Variants in ZPBP observed in about 807,000 individuals in gnomAD.
ZPBP encodes zona pellucida-binding protein 1.
ZPBP carries 26 observed loss-of-function variants against 44.8 expected under a neutral mutation model. The ratio of observed to expected loss-of-function variants is 0.58; its 90% CI spans 0.43 to 0.81. The LOEUF is 0.81. Ranked by LOEUF, ZPBP falls within the 30% of genes least tolerant of loss-of-function variation. The pLI is 0.00. For missense variants in ZPBP, 409 were observed against 434.0 expected, an observed-to-expected ratio of 0.94 and a Z score of 0.51; for synonymous variants, 174 against 153.2, an observed-to-expected ratio of 1.14 and a Z score of -1.00.
At chr7:50,006,181 C>T (rs1798303390) in intron 6 of ZPBP, among the ~76,000 whole-genome samples, 1 of 151,630 alleles carries the variant, frequency 6.6e-6, no homozygotes, top group Non-Finnish European at 1.5e-5. Flanking sequence ...GAGAAATACA[C>T]AACAAAAATA....
chr7:50,058,202 T>G, intron 3 of ZPBP, 61 bp from the exon 4 acceptor site: 1 of 1,562,322 alleles, frequency 6.4e-7, no homozygotes, highest in Non-Finnish European at 8.8e-7. Context: ...ACCAAAACAT[T>G]TTCTCAGCAA....
In ZPBP at chr7:49,916,428, A is replaced by C. The variant is rs577604971; in HGVS notation, n.412-15213T>G. ...ATTAGCCATTTTCAATGTCCAGTTC[A>C]AGTGCCATTGCTGGTAAGGCTTCTG... On this transcript the variant is annotated intron_variant and non_coding_transcript_variant, in intron 1 of 2. Transcript: ENST00000465922. 6 of 152,302 alleles carry C rather than the reference A, an allele frequency of 3.9e-5. No individual in the cohort carries two copies. The East Asian group carries it at 1.2e-3, about 29-fold the overall frequency. The allele number at this position is 152,302 out of a possible 1,614,324, so 9.4% of individuals were successfully genotyped here. A position where few individuals can be genotyped will look rare whatever the true frequency, so the allele number is the denominator to read the frequency against.
At chr7:49,909,322 G>A (rs555900748) in intron 1 of ZPBP, among the ~76,000 whole-genome samples, 7 of 150,768 alleles carry the variant, frequency 4.6e-5, no homozygotes, top group Non-Finnish European at 1.0e-4. Flanking sequence ...AAAAAAAGAT[G>A]ATACAGAAAA....
chr7:50,093,158 T>C lies in ZPBP; in HGVS notation c.37A>G (p.Arg13Gly). ...GAGCCGGCGGCCCGGGTCCGCCGCC[T>C]GCCCCGCCGCGCTGGGCCAAGGGCG... ...AFALGPARRG[R>G]RRTRAAGSLL... Residue 13 changes from arginine to glycine, a missense_variant, in exon 1 of 8, where the codon AGG (arginine) becomes GGG (glycine). By Grantham distance (125) the Arg-to-Gly change is moderately radical. Coordinates refer to ENST00000046087, the MANE Select transcript of ZPBP (RefSeq NM_007009.3). The C allele has an allele frequency of 6.5e-7, 1 of 1,538,076 alleles. No individual in the cohort carries two copies. The highest frequency in any genetic ancestry group is 8.7e-7 in the Non-Finnish European group (1 of 1,143,814).
At chr7:49,984,782 A>G (rs1373958259) in intron 6 of ZPBP, among the ~76,000 whole-genome samples, 2 of 152,224 alleles carry the variant, frequency 1.3e-5, no homozygotes, top group Admixed American at 1.3e-4. Flanking sequence ...TATGAAACAT[A>G]AATAAATTTT....
chr7:49,971,511 T>C lies in ZPBP; in HGVS notation c.961+11831A>G, dbSNP rs551039362. On this transcript the variant is annotated intron_variant, in intron 7 of 7. Transcript: ENST00000046087. ...ATGCCAACAAATTGGATAACTTAGA[T>C]GATACTAAAAACTTTATAGAAATAT... 7.2e-5 allele frequency among the ~76,000 whole-genome samples: 11 copies of C among 152,246 alleles called. No individual in the cohort carries two copies. In the East Asian group the frequency reaches 1.9e-3, roughly 27 times the overall value.
intron 1 of ZPBP, chr7:49,917,304 C>A (rs1335687978): frequency 6.6e-6 from 1 of 152,112 alleles, no homozygotes; most frequent in Non-Finnish European, 1.5e-5. Flanking sequence ...AGCCTTAACA[C>A]AAAGATTTGG....
At chr7:49,912,752 T>C (rs1309058192) in intron 1 of ZPBP, 1 of 152,560 alleles carries the variant, frequency 6.6e-6, no homozygotes, top group African/African-American at 2.4e-5. Context: ...CTTTTTATAA[T>C]AATATATGGC....
chr7:50,076,588 A>G (rs1041282255), intron 3 of ZPBP, among the ~76,000 whole-genome samples: 2 of 151,930 alleles, frequency 1.3e-5, no homozygotes, highest in African/African-American at 2.4e-5. Context: ...AAAAATCAGT[A>G]GCATTTCTAT....
chr7:49,853,873 C>G, intron 2 of ZPBP, among the ~76,000 whole-genome samples: 1 of 123,896 alleles, frequency 8.1e-6, no homozygotes, highest in South Asian at 3.2e-4. Flanking sequence ...CCTCCCCCCA[C>G]CCCACAACAG....
chr7:49,847,490 G>A (rs528265973), downstream of ZPBP, among the ~76,000 whole-genome samples: 20 of 152,226 alleles, frequency 1.3e-4, no homozygotes, highest in African/African-American at 4.3e-4. Context: ...CCAAGGGCAA[G>A]GGTTTGAAAA....
chr7:49,846,152 C>T (rs534251781), downstream of ZPBP, among the ~76,000 whole-genome samples: 12 of 152,132 alleles, frequency 7.9e-5, no homozygotes, highest in Non-Finnish European at 1.5e-4. Context: ...TCAATAGAGC[C>T]AACCAGACTT....
intron 1 of ZPBP, chr7:49,920,250 C>T (rs543215877): frequency 3.6e-4 from 55 of 151,358 alleles, no homozygotes; most frequent in African/African-American, 1.1e-3. Flanking sequence ...ACGATGAATC[C>T]TTTTCTTAAG....
At chr7:49,945,694 T>A (rs1795075926) in intron 7 of ZPBP, among the ~76,000 whole-genome samples, 1 of 152,142 alleles carries the variant, frequency 6.6e-6, no homozygotes, top group East Asian at 1.9e-4. Context: ...ATGGAACTTT[T>A]TTTAACTCTT....
chr7:49,887,094 T>A (rs1791937188), intron 2 of ZPBP, among the ~76,000 whole-genome samples: 1 of 152,212 alleles, frequency 6.6e-6, no homozygotes, highest in African/African-American at 2.4e-5. Flanking sequence ...TTAAACTACT[T>A]GAATTATAAA....
At chr7:49,961,606 G>A (rs1795862970) in intron 7 of ZPBP, among the ~76,000 whole-genome samples, 1 of 152,042 alleles carries the variant, frequency 6.6e-6, no homozygotes. Context: ...TCATTGCTGA[G>A]CCAAAATAAA....
chr7:50,024,043 GA>G (rs1176901513), intron 5 of ZPBP, among the ~76,000 whole-genome samples: 1 of 151,540 alleles, frequency 6.6e-6, no homozygotes, highest in Non-Finnish European at 1.5e-5. Flanking sequence ...AGAAGGAGAA[GA>G]AAAAAAGGAA....
intron 7 of ZPBP, among the ~76,000 whole-genome samples, chr7:49,955,070 T>C (rs2128760770): frequency 6.6e-6 from 1 of 152,212 alleles, no homozygotes; most frequent in Non-Finnish European, 1.5e-5. Flanking sequence ...AACATACTAA[T>C]GAATAAGACC....
intron 3 of ZPBP, among the ~76,000 whole-genome samples, chr7:50,067,343 C>CT (rs202015729): frequency 7.9e-5 from 12 of 151,290 alleles, no homozygotes; most frequent in African/African-American, 2.2e-4. Context: ...CAGTTAAAAT[C>CT]TTTTTTTTTC....
Sources: allele counts gnomAD v4.1 joint callset (sites outside exome capture counted in the v4.1 genomes callset), GRCh38; gene constraint gnomAD v4.1.1; transcripts MANE v1.5; gene names NCBI Gene and HGNC (gene_info 2026-07-23, HGNC 2026-07-21).